Variants in KANTR observed in about 807,000 individuals in gnomAD.
KANTR encodes KANTR integral membrane protein.
downstream of KANTR, chrX:53,143,487 A>C (rs1556818809): frequency 3.4e-6 from 2 of 592,057 alleles, no homozygotes; most frequent in Non-Finnish European, 5.9e-6. Flanking sequence ...CCAGAGGCTT[A>C]GAGGGACAAC....
chrX:53,097,004 A>C (rs1168456517), intron 1 of KANTR, among the ~76,000 whole-genome samples: 1 of 110,873 alleles, frequency 9.0e-6, no homozygotes, highest in Non-Finnish European at 1.9e-5. Context: ...ATGGTGGCAC[A>C]TGCCTGTAAT....
exon 3 of KANTR, chrX:53,127,330 T>C (rs1556816318): frequency 8.9e-6 from 1 of 112,459 alleles, no homozygotes; most frequent in Non-Finnish European, 1.9e-5. Flanking sequence ...TTCAGTAGAC[T>C]GTAAGCTCCA....
intron 2 of KANTR, among the ~76,000 whole-genome samples, chrX:53,108,358 C>T (rs1932981081): frequency 9.2e-6 from 1 of 109,280 alleles, no homozygotes; most frequent in Middle Eastern, 4.3e-3. Context: ...CATACTACCA[C>T]ACCCAGCTAA....
intron 2 of KANTR, among the ~76,000 whole-genome samples, chrX:53,118,562 A>AC (rs1933169196): frequency 9.1e-6 from 1 of 110,401 alleles, no homozygotes; most frequent in Non-Finnish European, 1.9e-5. Flanking sequence ...GGAGTTCGAG[A>AC]CCAGACTGGG....
At chrX:53,100,575 G>A (rs782591781) in intron 2 of KANTR, among the ~76,000 whole-genome samples, 9 of 111,478 alleles carry the variant, frequency 8.1e-5, no homozygotes, top group South Asian at 3.7e-4. Flanking sequence ...AGAGGCGGGC[G>A]GGTCACAAGG....
At chrX:53,094,155 G>GC (rs1460680313) in exon 1 of KANTR, 1 of 113,325 alleles carries the variant, frequency 8.8e-6, no homozygotes. Flanking sequence ...AGCGGCGTAG[G>GC]CCCGTGCCCC....
downstream of KANTR, among the ~76,000 whole-genome samples, chrX:53,146,323 AGCACAAGAACTATCTGATGAAT>A (rs1933574721): frequency 8.9e-6 from 1 of 112,311 alleles, no homozygotes; most frequent in Non-Finnish European, 1.9e-5. Context: ...TGAAAACCAC[AGCACAAGAACTATCTGATGAAT>A]GCACAAGCCT....
chrX:53,129,989 C>T (rs1933341275), downstream of KANTR, among the ~76,000 whole-genome samples: 1 of 109,229 alleles, frequency 9.2e-6, no homozygotes, highest in Non-Finnish European at 1.9e-5. Context: ...GCCTCAGCCT[C>T]CCAAGTAGCT....
rs184178174 is a variant in KANTR at position 53,140,490 on chromosome X, G to A, written n.204-1358G>A. ...CCCTCCAGCCTGGGTAACGGAGTGAGACTCTGTCTCAAAAAAAAAAAAAAA... is the reference window on the plus strand; with the variant it reads ...CCCTCCAGCCTGGGTAACGGAGTGAAACTCTGTCTCAAAAAAAAAAAAAAA... On this transcript the variant is annotated intron_variant and non_coding_transcript_variant, in intron 2 of 2. Transcript: ENST00000366185. 3.6e-3 allele frequency among the ~76,000 whole-genome samples: 324 copies of A among 88,992 alleles called. 4 individuals are homozygous for A. The highest frequency in any genetic ancestry group is 0.015 in the African/African-American group (312 of 21,200). 77.3% of individuals were successfully genotyped at this position (88,992 alleles called of 115,157 possible).
intron 2 of KANTR, among the ~76,000 whole-genome samples, chrX:53,100,600 C>G: frequency 9.0e-6 from 1 of 111,317 alleles, no homozygotes; most frequent in East Asian, 2.8e-4. Context: ...GAGTTTGAGA[C>G]CAGTCTGGCC....
exon 3 of KANTR, chrX:53,126,823 C>A (rs915548334): frequency 4.5e-5 from 5 of 111,173 alleles, no homozygotes; most frequent in African/African-American, 1.6e-4. Flanking sequence ...CTATACTATT[C>A]TTCTCTGAAA....
chrX:53,138,181 G>T (rs994962887), intron 2 of KANTR, among the ~76,000 whole-genome samples: 1 of 109,198 alleles, frequency 9.2e-6, no homozygotes, highest in Non-Finnish European at 1.9e-5. Context: ...TGATTCTCCT[G>T]CCTCAGCCTC....
intron 2 of KANTR, among the ~76,000 whole-genome samples, chrX:53,115,658 A>C (rs1933112753): frequency 8.9e-6 from 1 of 112,935 alleles, no homozygotes; most frequent in African/African-American, 3.2e-5. Flanking sequence ...GGGCAGCCCT[A>C]GTGTTGGAGT....
downstream of KANTR, chrX:53,143,058 C>T (rs1933525710): frequency 2.5e-6 from 3 of 1,201,804 alleles, no homozygotes; most frequent in Admixed American, 4.4e-5. Flanking sequence ...TGCGGATGTC[C>T]ACGTCACACT....
At chrX:53,112,026 G>C (rs1933049866) in intron 2 of KANTR, among the ~76,000 whole-genome samples, 1 of 110,167 alleles carries the variant, frequency 9.1e-6, no homozygotes, top group Non-Finnish European at 1.9e-5. Context: ...TTGGTTACAT[G>C]GGTAAATTCT....
chrX:53,135,375 C>A (rs2146754196), intron 2 of KANTR, among the ~76,000 whole-genome samples: 1 of 111,755 alleles, frequency 8.9e-6, no homozygotes, highest in African/African-American at 3.2e-5. Flanking sequence ...CCACACTCTC[C>A]CTCCTTTTGT....
At chrX:53,133,483 G>C (rs1162781147) in intron 2 of KANTR, among the ~76,000 whole-genome samples, 1 of 111,633 alleles carries the variant, frequency 9.0e-6, no homozygotes, top group Non-Finnish European at 1.9e-5. Context: ...CACTGAGGAG[G>C]AAACAGCCAC....
At chrX:53,120,430 G>T (rs954142219) in intron 2 of KANTR, among the ~76,000 whole-genome samples, 2 of 111,716 alleles carry the variant, frequency 1.8e-5, no homozygotes, top group Non-Finnish European at 3.8e-5. Flanking sequence ...ATTTTGAAGA[G>T]AATTGATGTT....
At chrX:53,107,442 A>T (rs1932969141) in intron 2 of KANTR, among the ~76,000 whole-genome samples, 1 of 103,965 alleles carries the variant, frequency 9.6e-6, no homozygotes, top group Non-Finnish European at 1.9e-5. Flanking sequence ...CAAACTCAGC[A>T]GTTTATCAAT....
Sources: gnomAD v4.1 joint callset for allele counts (sites outside exome capture counted in the v4.1 genomes callset) on GRCh38, gnomAD v4.1.1 for gene constraint, MANE v1.5 for transcripts, NCBI Gene and HGNC (gene_info 2026-07-23, HGNC 2026-07-21) for gene names.